PNKD: variants seen among roughly 807,000 people sequenced by gnomAD.
The protein encoded by PNKD is PNKD metallo-beta-lactamase domain containing, also known as probable thioesterase PNKD.
A neutral mutation model predicts 45.3 loss-of-function variants in PNKD; 36 were observed. The observed-to-expected ratio is 0.80, with a 90% CI of 0.61 to 1.05. The LOEUF (loss-of-function observed/expected upper bound fraction) is 1.05. Ranked by LOEUF, PNKD falls within the 50% of genes least tolerant of loss-of-function variation. The probability of loss-of-function intolerance (pLI) is 0.00; values close to 1 mark genes in which losing one functional copy is unlikely to be tolerated. For synonymous variants in PNKD, 197 were observed against 210.1 expected (o/e 0.94, Z 0.54); for missense variants, 511 against 506.6 (o/e 1.01, Z -0.08).
rs764570137 is a variant in PNKD, at chr2:218,342,002, G to T, written c.639G>T (p.Val213=). 10 of 1,613,410 alleles carry T rather than the reference G, an allele frequency of 6.2e-6. No homozygotes were observed. Among genetic ancestry groups the T allele is most frequent in the Admixed American group, 1.7e-5 (1 of 59,998 alleles). Residue 213 remains valine (V), a synonymous_variant, in exon 7 of 10, where the codon GTG becomes GTT. Transcript: ENST00000273077. The stretch of plus-strand genomic sequence containing the variant: ...CCAGTCCCCTGTGTCATCAAGATGT[G>T]GTCAGCGTGGGACGGCTTCAGATCC... The part of the protein sequence containing the change: ...YLTHPLCHQD[V]VSVGRLQIRA...
intron 2 of PNKD, chr2:218,277,216 C>T (rs1691309458): frequency 1.7e-6 from 2 of 1,167,424 alleles, no homozygotes; most frequent in Middle Eastern, 2.4e-4. Context: ...ATGTCCACAA[C>T]ATTCTAAGGA....
Position 218,342,016 on chromosome 2 carries a change from G to A in PNKD, c.653G>A (p.Arg218Gln), listed in dbSNP as rs746884706. 96 of 1,613,608 alleles carry A rather than the reference G, an allele frequency of 5.9e-5. 1 individual carries two copies. Among genetic ancestry groups the A allele is most frequent in the Admixed American group, 5.3e-4 (32 of 59,996 alleles). The change falls in exon 7 of 10, where the codon CGG (arginine) becomes CAG (glutamine). Residue 218 changes from arginine to glutamine, a missense_variant. Transcript: ENST00000273077. Reference sequence around the variant, plus strand: ...CATCAAGATGTGGTCAGCGTGGGACGGCTTCAGATCCGGGCCCTGGCTACA... The same window carrying A: ...CATCAAGATGTGGTCAGCGTGGGACAGCTTCAGATCCGGGCCCTGGCTACA... Reference protein sequence around the residue: ...LCHQDVVSVGRLQIRALATPG... With the variant: ...LCHQDVVSVGQLQIRALATPG...
chr2:218,309,475 T>C (rs7577617), intron 2 of PNKD, among the ~76,000 whole-genome samples: 146,079 of 149,786 alleles, frequency 0.98, 71,304 homozygotes, highest in East Asian at 1. Context: ...AATGGGGTTT[T>C]GCTATGTTGG....
At chr2:218,302,820 G>A (rs570717475) in intron 2 of PNKD, among the ~76,000 whole-genome samples, 199 of 152,322 alleles carry the variant, frequency 1.3e-3, no homozygotes, top group African/African-American at 3.0e-3. Context: ...GGACAGGGGC[G>A]CAGAATGTAT....
chr2:218,339,638 G>T, intron 2 of PNKD, 145 bp from the exon 3 acceptor site: 1 of 698,324 alleles, frequency 1.4e-6, no homozygotes, highest in African/African-American at 1.8e-5. Context: ...AGGGCAAACA[G>T]TAGGCACATA....
chr2:218,328,351 C>G (rs1224409313), intron 2 of PNKD, among the ~76,000 whole-genome samples: 1 of 152,202 alleles, frequency 6.6e-6, no homozygotes. Context: ...GAGCCCTGCC[C>G]TGACCACCTC....
intron 3 of PNKD, 51 bp downstream of exon 3, chr2:218,339,949 C>G (rs759996422): frequency 4.2e-6 from 6 of 1,412,470 alleles, no homozygotes; most frequent in Non-Finnish European, 6.0e-6. Context: ...CCCCCACCCT[C>G]CCCGCCTGCT....
intron 2 of PNKD, among the ~76,000 whole-genome samples, chr2:218,298,999 ACCC>A (rs1421569486): frequency 6.6e-6 from 1 of 152,008 alleles, no homozygotes; most frequent in Non-Finnish European, 1.5e-5. Flanking sequence ...AATTTCAGGC[ACCC>A]CACACTCTGA....
At chr2:218,298,223 A>T (rs992601731) in intron 2 of PNKD, among the ~76,000 whole-genome samples, 1 of 152,048 alleles carries the variant, frequency 6.6e-6, no homozygotes, top group African/African-American at 2.4e-5. Context: ...GGGCCAGCGA[A>T]ATGCTTTCCA....
chr2:218,280,119 G>C (rs1464436324), intron 2 of PNKD: 3 of 1,613,726 alleles, frequency 1.9e-6, no homozygotes, highest in Non-Finnish European at 2.5e-6. Flanking sequence ...CATAGCCATG[G>C]CCTGGGCCTA....
chr2:218,314,753 G>A (rs773837441), intron 2 of PNKD, among the ~76,000 whole-genome samples: 12 of 151,790 alleles, frequency 7.9e-5, no homozygotes, highest in African/African-American at 2.4e-4. Flanking sequence ...GCAATGGGGC[G>A]ATCTCGGCTT....
intron 2 of PNKD, chr2:218,323,511 C>A: frequency 4.0e-6 from 2 of 499,242 alleles, no homozygotes; most frequent in Non-Finnish European, 5.8e-6. Context: ...GGGGCTGGAG[C>A]TGGGGGTGGG....
intron 2 of PNKD, among the ~76,000 whole-genome samples, chr2:218,296,187 T>C (rs932915716): frequency 6.6e-6 from 1 of 152,142 alleles, no homozygotes; most frequent in African/African-American, 2.4e-5. Flanking sequence ...CACTGCCCCA[T>C]ATAATATTTG....
intron 2 of PNKD, among the ~76,000 whole-genome samples, chr2:218,311,139 A>T (rs1693603180): frequency 6.6e-6 from 1 of 152,166 alleles, no homozygotes; most frequent in Non-Finnish European, 1.5e-5. Context: ...TTTAAGAACA[A>T]GCAGAACCTT....
Position 218,341,993 on chromosome 2 carries a change from T to G in PNKD, c.630T>G (p.His210Gln), listed in dbSNP as rs1694691035. 2.5e-6 allele frequency: 4 copies of G among 1,613,416 alleles called. No homozygotes were observed. The South Asian group carries it at 3.3e-5, about 13-fold the overall frequency. ...CCTTGTTCCCCAGTCCCCTGTGTCA[T>G]CAAGATGTGGTCAGCGTGGGACGGC... ...GIPYLTHPLC[H>Q]QDVVSVGRLQ... The change falls in exon 7 of 10, where the codon CAT becomes CAG. Residue 210 changes from histidine to glutamine, a missense_variant. Coordinates refer to ENST00000273077, the MANE Select transcript of PNKD (RefSeq NM_015488.5).
At chr2:218,297,194 G>A (rs978970694) in intron 2 of PNKD, among the ~76,000 whole-genome samples, 10 of 152,172 alleles carry the variant, frequency 6.6e-5, no homozygotes, top group African/African-American at 1.7e-4. Flanking sequence ...ATGTGTGGGG[G>A]ATAGATAAGG....
At chr2:218,330,164 T>C (rs1694277417) in intron 2 of PNKD, among the ~76,000 whole-genome samples, 1 of 152,192 alleles carries the variant, frequency 6.6e-6, no homozygotes, top group Non-Finnish European at 1.5e-5. Context: ...TTCCAGATCA[T>C]TCTGTGGGAG....
chr2:218,304,669 TG>T (rs1390921625), intron 2 of PNKD, among the ~76,000 whole-genome samples: 5 of 152,180 alleles, frequency 3.3e-5, no homozygotes, highest in African/African-American at 1.2e-4. Flanking sequence ...AGAGGATCAG[TG>T]GAAAGAGCAT....
In PNKD at chr2:218,334,862, A is replaced by C. The variant is rs985879356; in HGVS notation, c.237-4921A>C. On this transcript the variant is annotated intron_variant, in intron 2 of 9. Transcript: ENST00000273077. The stretch of plus-strand genomic sequence containing the variant: ...GAAGGAGATACTTTGAGATTATGCA[A>C]ATATCCTCTTTCTCATCATACTTGG... The C allele has an allele frequency of 3.3e-5, 22 of 663,980 alleles. No homozygotes were observed. The Middle Eastern group carries it at 9.7e-4, about 29-fold the overall frequency. The allele number at this position is 663,980 out of a possible 1,614,324, so 41.1% of individuals were successfully genotyped here. A position where few individuals can be genotyped will look rare whatever the true frequency, so the allele number is the denominator to read the frequency against.
Sources: allele counts gnomAD v4.1 joint callset (sites outside exome capture counted in the v4.1 genomes callset), GRCh38; gene constraint gnomAD v4.1.1; transcripts MANE v1.5; gene names NCBI Gene and HGNC (gene_info 2026-07-23, HGNC 2026-07-21).